ST6GALNAC3: variants seen among roughly 807,000 people sequenced by gnomAD.
ST6GALNAC3 encodes alpha-N-acetylgalactosaminide alpha-2,6-sialyltransferase 3.
ST6GALNAC3 carries 25 observed loss-of-function variants against 32.7 expected under a neutral mutation model. That is an observed-to-expected ratio of 0.76 (90% CI 0.56 to 1.07). The LOEUF is 1.07. ST6GALNAC3 is among the 50% of genes least tolerant of loss of function. The probability of loss-of-function intolerance (pLI) is 0.00; values close to 1 mark genes in which losing one functional copy is unlikely to be tolerated. For synonymous variants in ST6GALNAC3, 129 were observed against 133.1 expected, an observed-to-expected ratio of 0.97 and a Z score of 0.21; for missense variants, 355 against 382.4, an observed-to-expected ratio of 0.93 and a Z score of 0.60.
chr1:76,300,005 T>A (rs1250995706), intron 1 of ST6GALNAC3, among the ~76,000 whole-genome samples: 1 of 152,028 alleles, frequency 6.6e-6, no homozygotes, highest in Non-Finnish European at 1.5e-5. Context: ...TAGTGGAAGA[T>A]GTTTGACCAT....
At chr1:76,573,063 G>A (rs970269892) in intron 3 of ST6GALNAC3, among the ~76,000 whole-genome samples, 1 of 152,240 alleles carries the variant, frequency 6.6e-6, no homozygotes, top group Admixed American at 6.5e-5. Context: ...TTGGAAGTGA[G>A]TTGCCAGGGG....
intron 3 of ST6GALNAC3, among the ~76,000 whole-genome samples, chr1:76,461,359 A>C (rs1658265689): frequency 6.6e-6 from 1 of 152,044 alleles, no homozygotes; most frequent in Non-Finnish European, 1.5e-5. Flanking sequence ...ATAGCTCTTC[A>C]CTCCCTATTT....
At chr1:76,378,735 C>T (rs552576576) in intron 2 of ST6GALNAC3, among the ~76,000 whole-genome samples, 7 of 151,914 alleles carry the variant, frequency 4.6e-5, no homozygotes, top group East Asian at 3.9e-4. Context: ...GGTATGATGG[C>T]GCTTCACACA....
intron 1 of ST6GALNAC3, among the ~76,000 whole-genome samples, chr1:76,260,624 C>T (rs1485048168): frequency 6.6e-6 from 1 of 152,146 alleles, no homozygotes; most frequent in African/African-American, 2.4e-5. Context: ...CCTAGCCTTT[C>T]TGATTTCAAA....
At chr1:76,476,202 G>T (rs925942075) in intron 3 of ST6GALNAC3, among the ~76,000 whole-genome samples, 1 of 152,096 alleles carries the variant, frequency 6.6e-6, no homozygotes, top group African/African-American at 2.4e-5. Flanking sequence ...GTCAGAAAAT[G>T]AACAATGTTC....
chr1:76,331,743 G>A (rs1430337041), intron 2 of ST6GALNAC3, among the ~76,000 whole-genome samples: 1 of 152,162 alleles, frequency 6.6e-6, no homozygotes, highest in African/African-American at 2.4e-5. Flanking sequence ...AGGTCTTTCT[G>A]TGAAAAACTG....
chr1:76,404,634 A>T (rs982294826), intron 2 of ST6GALNAC3, among the ~76,000 whole-genome samples: 38 of 152,246 alleles, frequency 2.5e-4, no homozygotes, highest in Non-Finnish European at 1.9e-4. Flanking sequence ...AAAGACATTC[A>T]GGAAGAGCAG....
intron 1 of ST6GALNAC3, among the ~76,000 whole-genome samples, chr1:76,218,354 T>A (rs1425881346): frequency 1.3e-5 from 2 of 152,138 alleles, no homozygotes; most frequent in South Asian, 2.1e-4. Flanking sequence ...GTCAAAGACC[T>A]TGGAGGCTAG....
At chr1:76,301,192 T>G (rs1660707765) in intron 1 of ST6GALNAC3, among the ~76,000 whole-genome samples, 2 of 152,062 alleles carry the variant, frequency 1.3e-5, no homozygotes, top group Admixed American at 1.3e-4. Flanking sequence ...TTCTTGGGGC[T>G]TCAAAGTAAC....
intron 3 of ST6GALNAC3, among the ~76,000 whole-genome samples, chr1:76,488,109 A>T (rs1488024229): frequency 1.3e-5 from 2 of 151,630 alleles, no homozygotes; most frequent in Non-Finnish European, 2.9e-5. Flanking sequence ...CCCAAATCTC[A>T]TGCTGAAATA....
intron 2 of ST6GALNAC3, among the ~76,000 whole-genome samples, chr1:76,381,893 A>G (rs1651739088): frequency 6.6e-6 from 1 of 152,210 alleles, no homozygotes; most frequent in African/African-American, 2.4e-5. Flanking sequence ...TCTACACCAC[A>G]CTAGCAGTGA....
chr1:76,592,230 A>G (rs142820286), intron 3 of ST6GALNAC3, among the ~76,000 whole-genome samples: 2 of 152,322 alleles, frequency 1.3e-5, no homozygotes, highest in Non-Finnish European at 2.9e-5. Context: ...AGAAGAGATT[A>G]TACTTGTCCA....
At position 76,630,826 on chromosome 1, in the gene ST6GALNAC3, T is replaced by G. The variant is rs2100739521; in HGVS notation, c.*2020T>G. ...CTATGAATGTTAAGTTTTTTTGAGCTAATGATAGATAGAAATGCCCACTCA... is the reference window on the plus strand; with the variant it reads ...CTATGAATGTTAAGTTTTTTTGAGCGAATGATAGATAGAAATGCCCACTCA... On this transcript the variant is annotated 3_prime_UTR_variant, in exon 5 of 5. Coordinates refer to ENST00000328299, the MANE Select transcript of ST6GALNAC3 (RefSeq NM_152996.4). 1 of 985,618 alleles carries G rather than the reference T, an allele frequency of 1.0e-6. No individual in the cohort carries two copies. Among genetic ancestry groups the G allele is most frequent in the East Asian group, 1.1e-4 (1 of 8,802 alleles). The allele number at this position is 985,618 out of a possible 1,614,324, so 61.1% of individuals were successfully genotyped here. A position where few individuals can be genotyped will look rare whatever the true frequency, so the allele number is the denominator to read the frequency against.
In ST6GALNAC3 at chr1:76,148,109, C is replaced by T. The variant is rs532700849; in HGVS notation, c.18+73225C>T. Among the ~76,000 whole-genome samples, 9 of 152,192 alleles carry T rather than the reference C, an allele frequency of 5.9e-5. No homozygotes were observed. The East Asian group carries it at 1.5e-3, about 26-fold the overall frequency. On this transcript the variant is annotated intron_variant, in intron 1 of 4. Coordinates refer to ENST00000328299, the MANE Select transcript of ST6GALNAC3 (RefSeq NM_152996.4). ...AAATTTATAATTAATAGAACAAACCCAACATTGTGCTTCCAGGAAAGTAAC... is the reference window on the plus strand; with the variant it reads ...AAATTTATAATTAATAGAACAAACCTAACATTGTGCTTCCAGGAAAGTAAC...
intron 1 of ST6GALNAC3, among the ~76,000 whole-genome samples, chr1:76,217,970 A>G (rs1655563779): frequency 6.6e-6 from 1 of 152,164 alleles, no homozygotes; most frequent in African/African-American, 2.4e-5. Context: ...TTACGCTGCT[A>G]TAAACATGCG....
At position 76,357,119 on chromosome 1, in the gene ST6GALNAC3, C is replaced by CTTTTCT. The variant is rs1471168730; in HGVS notation, c.213+43131_213+43136dup. 9.9e-4 allele frequency among the ~76,000 whole-genome samples: 43 copies of CTTTTCT among 43,420 alleles called. 1 individual carries two copies. Among genetic ancestry groups the CTTTTCT allele is most frequent in the African/African-American group, 2.3e-3 (32 of 13,630 alleles). The allele number at this position is 43,420 out of a possible 152,430, so 28.5% of individuals were successfully genotyped here. A position where few individuals can be genotyped will look rare whatever the true frequency, so the allele number is the denominator to read the frequency against. ...TAGCTTAATGCTAGTTTTCTTTTTT[C>CTTTTCT]TTTTCTTTTTCTTTTTTTTTTTTTT... On this transcript the variant is annotated intron_variant, in intron 2 of 4. Transcript: ENST00000328299.
intron 1 of ST6GALNAC3, among the ~76,000 whole-genome samples, chr1:76,241,141 G>C (rs1656938216): frequency 6.6e-6 from 1 of 152,174 alleles, no homozygotes; most frequent in Non-Finnish European, 1.5e-5. Flanking sequence ...TAAATTTGTA[G>C]AGTCTTCTAC....
intron 1 of ST6GALNAC3, among the ~76,000 whole-genome samples, chr1:76,196,590 C>T (rs938585015): frequency 1.3e-5 from 2 of 151,874 alleles, no homozygotes; most frequent in African/African-American, 2.4e-5. Flanking sequence ...GTCAGCCTCT[C>T]GAGTAGCTGG....
intron 1 of ST6GALNAC3, among the ~76,000 whole-genome samples, chr1:76,152,985 T>C (rs967382686): frequency 6.6e-6 from 1 of 152,212 alleles, no homozygotes; most frequent in East Asian, 1.9e-4. Flanking sequence ...GCAAGTCTTA[T>C]TTTAGAGTTC....
Sources: gnomAD v4.1 joint callset for allele counts (sites outside exome capture counted in the v4.1 genomes callset) on GRCh38, gnomAD v4.1.1 for gene constraint, MANE v1.5 for transcripts, NCBI Gene and HGNC (gene_info 2026-07-23, HGNC 2026-07-21) for gene names.